RBMS3: variants seen among roughly 807,000 people sequenced by gnomAD.
RBMS3 encodes RNA-binding motif, single-stranded-interacting protein 3.
In RBMS3, 27 loss-of-function variants were observed where a neutral mutation model predicts 66.8. That is an observed-to-expected ratio of 0.40 (90% confidence interval 0.30 to 0.56). RBMS3 has a LOEUF of 0.56. RBMS3 is among the 20% of genes least tolerant of loss of function. RBMS3 has a pLI of 0.40. For missense variants in RBMS3, 513 were observed against 549.5 expected, an observed-to-expected ratio of 0.93 and a Z score of 0.66; for synonymous variants, 188 against 183.0, an observed-to-expected ratio of 1.03 and a Z score of -0.22.
chr3:29,294,403 A>G (rs1170791761), intron 1 of RBMS3, among the ~76,000 whole-genome samples: 1 of 151,736 alleles, frequency 6.6e-6, no homozygotes, highest in Non-Finnish European at 1.5e-5. Flanking sequence ...GGGAAAAACC[A>G]TAAAACACAA....
chr3:29,344,162 G>T (rs542467373), intron 1 of RBMS3, among the ~76,000 whole-genome samples: 2 of 151,772 alleles, frequency 1.3e-5, no homozygotes, highest in Admixed American at 6.6e-5. Context: ...CCTTACGTCT[G>T]TCCTTCCTTT....
At chr3:29,416,672 G>T (rs767776479) in intron 1 of RBMS3, among the ~76,000 whole-genome samples, 2 of 152,022 alleles carry the variant, frequency 1.3e-5, no homozygotes, top group Non-Finnish European at 2.9e-5. Flanking sequence ...TGGTCTGAAT[G>T]GTTTCCAAGA....
chr3:29,508,638 G>A (rs1241887318), intron 3 of RBMS3, among the ~76,000 whole-genome samples: 1 of 152,010 alleles, frequency 6.6e-6, no homozygotes, highest in African/African-American at 2.4e-5. Flanking sequence ...CTTTGCTACT[G>A]TGAATAGTGC....
At chr3:29,896,448 A>C (rs997045002) in intron 8 of RBMS3, among the ~76,000 whole-genome samples, 2 of 151,412 alleles carry the variant, frequency 1.3e-5, no homozygotes, top group African/African-American at 4.8e-5. Context: ...TCTCACATGC[A>C]TTTTTCCAAC....
intron 1 of RBMS3, among the ~76,000 whole-genome samples, chr3:29,333,677 AC>A (rs2035792739): frequency 6.6e-6 from 1 of 152,136 alleles, no homozygotes; most frequent in Non-Finnish European, 1.5e-5. Flanking sequence ...GATCCATGTG[AC>A]TAAGTTGAGT....
At position 29,398,144 on chromosome 3, in the gene RBMS3, C is replaced by G. The variant is rs1173693439; in HGVS notation, c.76-36599C>G. On this transcript the variant is annotated intron_variant, in intron 1 of 14. Coordinates refer to ENST00000383767, the MANE Select transcript of RBMS3 (RefSeq NM_001003793.3). ...ATCATAAATCAACCTCTTTGAGTCA[C>G]AGACTCCTCATCCATCAAATAGAGG... Among the ~76,000 whole-genome samples, 3 of 152,164 alleles carry G rather than the reference C, an allele frequency of 2.0e-5. No individual in the cohort carries two copies. In the East Asian group the frequency reaches 5.8e-4, roughly 29 times the overall value.
intron 1 of RBMS3, among the ~76,000 whole-genome samples, chr3:29,422,526 A>G (rs982281533): frequency 5.3e-5 from 8 of 152,050 alleles, no homozygotes; most frequent in Admixed American, 1.3e-4. Context: ...TATACTGAAA[A>G]TGGGAGTCCT....
intron 4 of RBMS3, among the ~76,000 whole-genome samples, chr3:29,613,324 T>G (rs1401638597): frequency 6.6e-6 from 1 of 152,176 alleles, no homozygotes; most frequent in Non-Finnish European, 1.5e-5. Flanking sequence ...GTGTTCTTTT[T>G]TCTGCACATC....
chr3:29,546,022 A>C (rs1203471566), intron 3 of RBMS3, among the ~76,000 whole-genome samples: 1 of 152,178 alleles, frequency 6.6e-6, no homozygotes, highest in South Asian at 2.1e-4. Context: ...TTTCCAGAAT[A>C]AAACGCTGAC....
intron 4 of RBMS3, among the ~76,000 whole-genome samples, chr3:29,625,683 A>G (rs1317522297): frequency 1.3e-5 from 2 of 148,426 alleles, no homozygotes; most frequent in Non-Finnish European, 3.0e-5. Context: ...GGGCAAAAAG[A>G]GTGAAACGCC....
At chr3:29,379,607 G>A (rs759233727) in intron 1 of RBMS3, among the ~76,000 whole-genome samples, 2 of 152,108 alleles carry the variant, frequency 1.3e-5, no homozygotes, top group Non-Finnish European at 2.9e-5. Flanking sequence ...ACTATCATGA[G>A]AGCAGCACGG....
chr3:29,401,587 A>G (rs531358844), intron 1 of RBMS3, among the ~76,000 whole-genome samples: 95 of 152,218 alleles, frequency 6.2e-4, no homozygotes, highest in Admixed American at 2.0e-3. Flanking sequence ...AGTTATAGCT[A>G]GACTAGGTTG....
chr3:30,003,779 T>C, intron 14 of RBMS3, 77 bp from the exon 15 acceptor site: 1 of 1,057,986 alleles, frequency 9.5e-7, no homozygotes, highest in Non-Finnish European at 1.3e-6. Context: ...TAAAGCTGCC[T>C]CATTGGAAAA....
At chr3:29,621,115 A>C (rs1314722866) in intron 4 of RBMS3, among the ~76,000 whole-genome samples, 14 of 152,056 alleles carry the variant, frequency 9.2e-5, no homozygotes, top group Non-Finnish European at 1.2e-4. Flanking sequence ...AGGGTCTCTG[A>C]AACTTGAATT....
intron 4 of RBMS3, among the ~76,000 whole-genome samples, chr3:29,703,829 C>A (rs547411618): frequency 2.4e-4 from 37 of 152,092 alleles, no homozygotes; most frequent in African/African-American, 8.5e-4. Flanking sequence ...CTGGGCCGCA[C>A]GGCTGGAGAT....
At chr3:29,775,101 A>G (rs922905453) in intron 6 of RBMS3, among the ~76,000 whole-genome samples, 2 of 151,868 alleles carry the variant, frequency 1.3e-5, no homozygotes, top group African/African-American at 4.8e-5. Context: ...ATGAAGAAAG[A>G]TAACCAAGAT....
intron 4 of RBMS3, among the ~76,000 whole-genome samples, chr3:29,734,171 C>T (rs1156258666): frequency 6.6e-6 from 1 of 151,990 alleles, no homozygotes; most frequent in African/African-American, 2.4e-5. Flanking sequence ...CATGTTCTCA[C>T]TCATATGCAG....
chr3:29,813,759 A>G (rs1409402812), intron 6 of RBMS3, among the ~76,000 whole-genome samples: 5 of 151,970 alleles, frequency 3.3e-5, no homozygotes, highest in Admixed American at 3.3e-4. Flanking sequence ...ATGGGAGTTC[A>G]CTCATGATTT....
At chr3:29,844,282 G>A (rs1003491936) in intron 6 of RBMS3, among the ~76,000 whole-genome samples, 3 of 152,024 alleles carry the variant, frequency 2.0e-5, no homozygotes, top group African/African-American at 4.8e-5. Context: ...CCTATAATCT[G>A]TTCCCATGGG....
Sources: gnomAD v4.1 joint callset for allele counts (sites outside exome capture counted in the v4.1 genomes callset) on GRCh38, gnomAD v4.1.1 for gene constraint, MANE v1.5 for transcripts, NCBI Gene and HGNC (gene_info 2026-07-23, HGNC 2026-07-21) for gene names.